The following SFI1 variants were observed in gnomAD, a reference collection of about 807,000 sequenced individuals.
The protein encoded by SFI1 is protein SFI1 homolog.
Under a neutral mutation model 207.5 loss-of-function variants are expected in SFI1, and 195 were observed. That is an observed-to-expected ratio of 0.94 (90% CI 0.84 to 1.06). The LOEUF (loss-of-function observed/expected upper bound fraction) is 1.06, where lower values mean the gene tolerates loss of function less well. SFI1 is among the 50% of genes least tolerant of loss of function. The pLI, the probability that SFI1 is intolerant of heterozygous loss-of-function variation, is 0.00. For missense variants in SFI1, 1,634 were observed against 1,588.0 expected (o/e 1.03, Z -0.49); for synonymous variants, 630 against 598.9 (o/e 1.05, Z -0.76).
At chr22:31,569,578 T>C (rs1030387555) in intron 8 of SFI1, among the ~76,000 whole-genome samples, 2 of 152,108 alleles carry the variant, frequency 1.3e-5, no homozygotes, top group African/African-American at 4.8e-5. Flanking sequence ...GGAAGGGAAG[T>C]TGTCATATAA....
At chr22:31,611,988 G>C in intron 24 of SFI1, 148 bp downstream of exon 24, 1 of 1,431,980 alleles carries the variant, frequency 7.0e-7, no homozygotes, top group South Asian at 1.5e-5. Flanking sequence ...CCACCTTCCT[G>C]TCATTTCCAG....
intron 4 of SFI1, among the ~76,000 whole-genome samples, chr22:31,533,263 C>T (rs1339329594): frequency 2.0e-5 from 3 of 152,110 alleles, no homozygotes; most frequent in Non-Finnish European, 4.4e-5. Flanking sequence ...CGTGGTGGCT[C>T]CTGCCTGTAA....
intron 5 of SFI1, among the ~76,000 whole-genome samples, chr22:31,547,355 A>G (rs1362289249): frequency 6.6e-6 from 1 of 152,096 alleles, no homozygotes; most frequent in Non-Finnish European, 1.5e-5. Flanking sequence ...CTGTTGCCCA[A>G]GCTGGAGTGC....
intron 17 of SFI1, among the ~76,000 whole-genome samples, chr22:31,603,365 C>T (rs550221148): frequency 1.5e-3 from 224 of 152,224 alleles, no homozygotes; most frequent in Middle Eastern, 0.01. Context: ...AACCACACCA[C>T]GTAGTTAAGA....
intron 1 of SFI1, among the ~76,000 whole-genome samples, chr22:31,499,161 C>T (rs1383154761): frequency 6.6e-6 from 1 of 151,948 alleles, no homozygotes; most frequent in African/African-American, 2.4e-5. Context: ...TGTGTAATAC[C>T]ATGCCTCGCT....
chr22:31,496,389 T>C (rs907595708), upstream of SFI1: 4 of 152,350 alleles, frequency 2.6e-5, no homozygotes, highest in Admixed American at 2.0e-4. Flanking sequence ...TTGCTGCTGC[T>C]GCAAAGCAAC....
At chr22:31,547,267 A>G (rs2060177315) in intron 5 of SFI1, among the ~76,000 whole-genome samples, 1 of 152,066 alleles carries the variant, frequency 6.6e-6, no homozygotes, top group Non-Finnish European at 1.5e-5. Context: ...TCATTTCTAT[A>G]TAATTTCTCA....
chr22:31,541,169 C>G (rs2059447089), intron 4 of SFI1, among the ~76,000 whole-genome samples: 1 of 152,160 alleles, frequency 6.6e-6, no homozygotes. Context: ...CATTTCCACC[C>G]CTTTCTGGGG....
chr22:31,611,617 C>G, intron 23 of SFI1, 149 bp from the exon 24 acceptor site: 1 of 809,620 alleles, frequency 1.2e-6, no homozygotes, highest in South Asian at 1.8e-5. Context: ...GCGGCACTCC[C>G]TGCCTATGCA....
chr22:31,508,942 A>G (rs1341621029), intron 2 of SFI1, among the ~76,000 whole-genome samples: 3 of 151,968 alleles, frequency 2.0e-5, no homozygotes, highest in African/African-American at 7.3e-5. Context: ...AAATTATCCT[A>G]TTTTTAGTAT....
chr22:31,568,940 G>A (rs1338799623), intron 8 of SFI1, among the ~76,000 whole-genome samples: 1 of 152,166 alleles, frequency 6.6e-6, no homozygotes, highest in East Asian at 1.9e-4. Context: ...AATTTTCAAA[G>A]AAAGTGGAAC....
intron 4 of SFI1, among the ~76,000 whole-genome samples, chr22:31,541,743 CA>C (rs71673219): frequency 0.44 from 38,055 of 86,190 alleles, 6,165 homozygotes; most frequent in Middle Eastern, 0.59. Flanking sequence ...GACTCCATCT[CA>C]AAAAAAAAAA....
chr22:31,586,968 T>A (rs1476409263), intron 14 of SFI1, among the ~76,000 whole-genome samples: 1 of 152,236 alleles, frequency 6.6e-6, no homozygotes, highest in Non-Finnish European at 1.5e-5. Flanking sequence ...CAGGAGCACA[T>A]CAGATCTTTC....
At chr22:31,505,946 G>T (rs2146536952) in intron 1 of SFI1, among the ~76,000 whole-genome samples, 1 of 152,196 alleles carries the variant, frequency 6.6e-6, no homozygotes, top group Admixed American at 6.5e-5. Context: ...AACACTTTGG[G>T]AGGCTGAGGT....
intron 10 of SFI1, 63 bp downstream of exon 10, chr22:31,575,455 TG>T (rs1251934816): frequency 6.9e-7 from 1 of 1,450,220 alleles, no homozygotes; most frequent in Admixed American, 2.5e-5. Flanking sequence ...CTCAGCAGCA[TG>T]TGAAACGAAA....
intron 2 of SFI1, among the ~76,000 whole-genome samples, chr22:31,514,546 C>T (rs1372415912): frequency 6.6e-6 from 1 of 150,532 alleles, no homozygotes; most frequent in Non-Finnish European, 1.5e-5. Context: ...CTGTATTTCT[C>T]CTATTTAACT....
chr22:31,604,838 G>C, intron 19 of SFI1, 31 bp from the exon 20 acceptor site: 1 of 1,600,360 alleles, frequency 6.2e-7, no homozygotes, highest in Non-Finnish European at 8.5e-7. Context: ...GTGGGCCCAA[G>C]AGCAGCCTCA....
intron 21 of SFI1, among the ~76,000 whole-genome samples, chr22:31,607,031 C>T (rs1421280134): frequency 6.6e-6 from 1 of 151,758 alleles, no homozygotes; most frequent in Non-Finnish European, 1.5e-5. Context: ...CCACTGCACT[C>T]CAGCCTGGAC....
At chr22:31,587,548 G>GCC (rs2065201444) in intron 14 of SFI1, 1 of 163,274 alleles carries the variant, frequency 6.1e-6, no homozygotes, top group Non-Finnish European at 1.3e-5. Context: ...CCCAAGCTCT[G>GCC]CCTGCCTCAG....
Sources: allele counts gnomAD v4.1 joint callset (sites outside exome capture counted in the v4.1 genomes callset), GRCh38; gene constraint gnomAD v4.1.1; transcripts MANE v1.5; gene names NCBI Gene and HGNC (gene_info 2026-07-23, HGNC 2026-07-21).